Variants in BAZ1A observed in about 807,000 individuals in gnomAD.
The protein encoded by BAZ1A is bromodomain adjacent to zinc finger domain protein 1A.
Under a neutral mutation model 185.2 loss-of-function variants are expected in BAZ1A, and 50 were observed. The ratio of observed to expected loss-of-function variants is 0.27; its 90% CI spans 0.22 to 0.34. The LOEUF (loss-of-function observed/expected upper bound fraction) is 0.34, where lower values mean the gene tolerates loss of function less well. BAZ1A is among the 10% of genes least tolerant of loss of function. The pLI is 1.00. For missense variants in BAZ1A, 1,356 were observed against 1,839.9 expected (o/e 0.74, Z 4.81); for synonymous variants, 571 against 615.6 (o/e 0.93, Z 1.07).
At chr14:34,783,254 G>T in intron 15 of BAZ1A, 22 bp from the exon 16 acceptor site, 1 of 1,445,066 alleles carries the variant, frequency 6.9e-7, no homozygotes, top group Non-Finnish European at 9.7e-7. Context: ...AATGAAATAT[G>T]GTAGTCTATC....
intron 4 of BAZ1A, 114 bp downstream of exon 4, chr14:34,825,898 AC>A: frequency 1.9e-6 from 2 of 1,040,938 alleles, no homozygotes; most frequent in Non-Finnish European, 2.6e-6. Context: ...AGATCGAGCC[AC>A]TGTACTCCAG....
intron 4 of BAZ1A, among the ~76,000 whole-genome samples, chr14:34,823,661 C>CAAAAAAAAAAAAAAAAAAAAAAAAAAAA (rs1019473398): frequency 6.7e-6 from 1 of 148,784 alleles, no homozygotes; most frequent in African/African-American, 2.5e-5. Context: ...AACTCCATCT[C>CAAAAAAAAAAAAAAAAAAAAAAAAAAAA]AAAAAAAAAA....
In BAZ1A at chr14:34,767,197, A is replaced by T. The variant is rs1878907423; in HGVS notation, c.3302-1929T>A. 2.0e-5 allele frequency among the ~76,000 whole-genome samples: 3 copies of T among 152,306 alleles called. No individual in the cohort carries two copies. In the South Asian group the frequency reaches 6.2e-4, roughly 32 times the overall value. ...TATAAACCAGCTAGATTTTATGTTAATACAGTCTTTTCTTCTATTTGCTTC... is the reference window on the plus strand; with the variant it reads ...TATAAACCAGCTAGATTTTATGTTATTACAGTCTTTTCTTCTATTTGCTTC... On this transcript the variant is annotated intron_variant, in intron 21 of 26. Coordinates refer to ENST00000360310, the MANE Select transcript of BAZ1A (RefSeq NM_013448.3).
rs1470262494 is a variant in BAZ1A, at chr14:34,875,178, AC to A, written c.-100del. The stretch of plus-strand genomic sequence containing the variant: ...CTGCCACTTGTCCACCTTCTCCACT[AC>A]AAAGGCAACGAGGGGAGACCCCGTC... On this transcript the variant is annotated 5_prime_UTR_variant, in exon 1 of 27. Coordinates refer to ENST00000360310, the MANE Select transcript of BAZ1A (RefSeq NM_013448.3). 3.4e-5 allele frequency: 15 copies of A among 440,312 alleles called. No individual in the cohort carries two copies. In the Admixed American group the frequency reaches 3.6e-4, roughly 11 times the overall value. 27.3% of individuals were successfully genotyped at this position (440,312 alleles called of 1,614,324 possible).
chr14:34,800,269 T>C lies in BAZ1A; in HGVS notation c.1083A>G (p.Leu361=), dbSNP rs1429041720. The stretch of plus-strand genomic sequence containing the variant: ...GCCTCTCTTTTTCTTCTTTTTTCTT[T>C]AGTCTCTCTTCTTCAACAATTTTTT... ...ELKKIVEEER[L]KKKEEKERLK... The change falls in exon 9 of 27, where the codon CTA becomes CTG. Residue 361 remains leucine (L), a synonymous_variant. Transcript: ENST00000360310. The C allele has an allele frequency of 2.1e-6, 3 of 1,428,314 alleles. No individual in the cohort carries two copies. Among genetic ancestry groups the C allele is most frequent in the East Asian group, 2.4e-5 (1 of 42,098 alleles). The allele number at this position is 1,428,314 out of a possible 1,614,324, so 88.5% of individuals were successfully genotyped here.
At chr14:34,791,713 T>C (rs1355955216) in intron 12 of BAZ1A, among the ~76,000 whole-genome samples, 1 of 152,224 alleles carries the variant, frequency 6.6e-6, no homozygotes, top group Non-Finnish European at 1.5e-5. Flanking sequence ...TACTGTGAAT[T>C]TTTATGCAAC....
chr14:34,800,429 C>A, intron 8 of BAZ1A, 39 bp from the exon 9 acceptor site: 2 of 1,423,358 alleles, frequency 1.4e-6, no homozygotes, highest in Non-Finnish European at 1.9e-6. Flanking sequence ...TATATATAGA[C>A]AAAATAACAC....
intron 3 of BAZ1A, among the ~76,000 whole-genome samples, chr14:34,829,440 CA>C (rs1401006739): frequency 2.6e-5 from 4 of 151,834 alleles, no homozygotes. Context: ...TTTCATTGGC[CA>C]AAAAATAAAT....
At chr14:34,827,326 T>C (rs2042178211) in intron 3 of BAZ1A, among the ~76,000 whole-genome samples, 1 of 152,224 alleles carries the variant, frequency 6.6e-6, no homozygotes, top group Admixed American at 6.5e-5. Context: ...CTCTATTTCT[T>C]AACTTCTGCC....
intron 2 of BAZ1A, among the ~76,000 whole-genome samples, chr14:34,870,604 A>C (rs1055410271): frequency 2.0e-5 from 3 of 152,218 alleles, no homozygotes; most frequent in African/African-American, 7.2e-5. Flanking sequence ...AGTGGTATCT[A>C]CACAAAGATC....
intron 16 of BAZ1A, among the ~76,000 whole-genome samples, chr14:34,782,682 T>G (rs886349784): frequency 1.3e-5 from 2 of 152,232 alleles, no homozygotes; most frequent in Non-Finnish European, 2.9e-5. Context: ...TATTGAGTTT[T>G]TTCAGAACTT....
chr14:34,846,694 G>A (rs1309748813), intron 3 of BAZ1A, among the ~76,000 whole-genome samples: 1 of 152,084 alleles, frequency 6.6e-6, no homozygotes, highest in African/African-American at 2.4e-5. Flanking sequence ...ATGCATAAGG[G>A]TTCTAAATGT....
At chr14:34,868,535 G>A (rs558677321) in intron 2 of BAZ1A, among the ~76,000 whole-genome samples, 1 of 152,292 alleles carries the variant, frequency 6.6e-6, no homozygotes, top group East Asian at 1.9e-4. Flanking sequence ...CGGGTGCCGT[G>A]ACTCACGCCT....
intron 5 of BAZ1A, among the ~76,000 whole-genome samples, chr14:34,809,539 TATTA>T (rs1175499332): frequency 6.6e-6 from 1 of 152,180 alleles, no homozygotes; most frequent in Non-Finnish European, 1.5e-5. Context: ...TCTTCTTCTT[TATTA>T]GAGGAATATT....
At chr14:34,855,238 G>A (rs2042658393) in intron 3 of BAZ1A, among the ~76,000 whole-genome samples, 2 of 152,272 alleles carry the variant, frequency 1.3e-5, no homozygotes, top group South Asian at 2.1e-4. Context: ...GTAACAAGTA[G>A]CTAAGTCTCA....
intron 2 of BAZ1A, among the ~76,000 whole-genome samples, chr14:34,864,619 T>C (rs1382502632): frequency 6.6e-6 from 1 of 151,062 alleles, no homozygotes; most frequent in Non-Finnish European, 1.5e-5. Flanking sequence ...TAGCTGGGAT[T>C]ACAGACGCGC....
At chr14:34,853,923 C>T (rs2042635699) in intron 3 of BAZ1A, among the ~76,000 whole-genome samples, 1 of 152,232 alleles carries the variant, frequency 6.6e-6, no homozygotes, top group African/African-American at 2.4e-5. Context: ...TGTAATTCTG[C>T]AGTCCCTTTA....
At chr14:34,802,065 ACT>A (rs1881600436) in intron 7 of BAZ1A, among the ~76,000 whole-genome samples, 1 of 152,138 alleles carries the variant, frequency 6.6e-6, no homozygotes, top group Non-Finnish European at 1.5e-5. Flanking sequence ...AGAAAAACAA[ACT>A]CTCAGCTTAC....
intron 3 of BAZ1A, among the ~76,000 whole-genome samples, chr14:34,831,898 G>C (rs2042246967): frequency 6.6e-6 from 1 of 152,022 alleles, no homozygotes; most frequent in South Asian, 2.1e-4. Flanking sequence ...AAATAAAAAA[G>C]GTTATAAGAG....
Sources: allele counts gnomAD v4.1 joint callset (sites outside exome capture counted in the v4.1 genomes callset), GRCh38; gene constraint gnomAD v4.1.1; transcripts MANE v1.5; gene names NCBI Gene and HGNC (gene_info 2026-07-23, HGNC 2026-07-21).